CMYA5: variants seen among roughly 807,000 people sequenced by gnomAD.
CMYA5 encodes cardiomyopathy-associated protein 5.
Under a neutral mutation model 318.9 loss-of-function variants are expected in CMYA5, and 246 were observed. That is an observed-to-expected ratio of 0.77 (90% CI 0.70 to 0.86). The LOEUF (loss-of-function observed/expected upper bound fraction) is 0.86. Ranked by LOEUF, CMYA5 falls within the 40% of genes least tolerant of loss-of-function variation. CMYA5 has a pLI of 0.00. For missense variants in CMYA5, 4,589 were observed against 4,678.2 expected (o/e 0.98, Z 0.56); for synonymous variants, 1,641 against 1,729.5 (o/e 0.95, Z 1.27).
intron 7 of CMYA5, among the ~76,000 whole-genome samples, chr5:79,760,255 T>G (rs1828626013): frequency 6.6e-6 from 1 of 152,168 alleles, no homozygotes; most frequent in Non-Finnish European, 1.5e-5. Context: ...TCTCATTGTT[T>G]CTGTGCCCTG....
chr5:79,708,128 C>T (rs1381787905), intron 1 of CMYA5, among the ~76,000 whole-genome samples: 1 of 152,184 alleles, frequency 6.6e-6, no homozygotes, highest in East Asian at 1.9e-4. Flanking sequence ...ACATTCAGAC[C>T]ATAGCACATA....
Position 79,732,623 on chromosome 5 carries a change from G to T in CMYA5, c.3858G>T (p.Lys1286Asn). ...TAATAAAACCATATTCACCTCTAAAGGAAACATCTTTATCTGGACCTGAGG... is the reference window on the plus strand; with the variant it reads ...TAATAAAACCATATTCACCTCTAAATGAAACATCTTTATCTGGACCTGAGG... ...PEVIKPYSPLKETSLSGPEAL... is the reference protein window; with the variant it reads ...PEVIKPYSPLNETSLSGPEAL... Residue 1286 changes from lysine to asparagine, a missense_variant, in exon 2 of 13, where the codon AAG becomes AAT. Lys to Asn is a moderately conservative substitution (Grantham distance 94). Around this residue, in one of 3 missense-constraint regions of CMYA5, gnomAD observed 2,132 missense variants for 2,131.3 expected, o/e 1.00. Coordinates refer to ENST00000446378, the MANE Select transcript of CMYA5 (RefSeq NM_153610.5). The T allele has an allele frequency of 6.2e-7, 1 of 1,613,288 alleles. No homozygotes were observed. Among genetic ancestry groups the T allele is most frequent in the Non-Finnish European group, 8.5e-7 (1 of 1,179,658 alleles).
intron 9 of CMYA5, among the ~76,000 whole-genome samples, chr5:79,777,629 G>C (rs1219616137): frequency 6.6e-6 from 1 of 151,892 alleles, no homozygotes; most frequent in African/African-American, 2.4e-5. Flanking sequence ...ACAAAAATTA[G>C]CTGGGCGTGG....
At chr5:79,790,329 G>A (rs1281919359) in intron 10 of CMYA5, among the ~76,000 whole-genome samples, 1 of 152,040 alleles carries the variant, frequency 6.6e-6, no homozygotes. Context: ...GAGTGCAATG[G>A]CACGATCTCG....
rs1561208387 is a variant in CMYA5, at chr5:79,732,833, A to C, written c.4068A>C (p.Ala1356=). The stretch of plus-strand genomic sequence containing the variant: ...AACCCAGTTCCTCAACAACTACAGC[A>C]TCTGTAACTAAGCTTGATTCAAACT... ...EIEPSSSTTT[A]SVTKLDSNLT... Residue 1356 remains alanine (A), a synonymous_variant, in exon 2 of 13, where the codon GCA becomes GCC. Coordinates refer to ENST00000446378, the MANE Select transcript of CMYA5 (RefSeq NM_153610.5). The C allele has an allele frequency of 1.2e-6, 2 of 1,613,766 alleles. No homozygotes were observed. The highest frequency in any genetic ancestry group is 1.1e-5 in the South Asian group (1 of 91,034).
rs1827965823 is a variant in CMYA5, at chr5:79,733,376, AAAG to A, written c.4617_4619del (p.Lys1540del). On this transcript the variant is annotated inframe_deletion, in exon 2 of 13. Transcript: ENST00000446378. ...TTCCACTCAGCCTATGGGGTGAGAT[AAAG>A]AAGAAAGAAACTGAACTTCCTTCAT... 6.2e-7 allele frequency: 1 copy of A among 1,613,370 alleles called. No individual in the cohort carries two copies. The highest frequency in any genetic ancestry group is 1.3e-5 in the African/African-American group (1 of 74,886).
Position 79,739,125 on chromosome 5 carries a change from G to A in CMYA5, c.10360G>A (p.Gly3454Arg), listed in dbSNP as rs369569686. The change falls in exon 2 of 13, where the codon GGA becomes AGA. Residue 3454 changes from glycine (G) to arginine (R), a missense_variant. Physicochemically the swap from Gly to Arg is moderately radical, Grantham distance 125. Transcript: ENST00000446378. Reference protein sequence around the residue: ...ESTPEDVLSQGKESFEHISEN... With the variant: ...ESTPEDVLSQRKESFEHISEN... ...CACACCTGAAGATGTCTTATCTCAA[G>A]GAAAGGAATCCTTTGAGCACATCAG... 1 of 1,613,750 alleles carries A rather than the reference G, an allele frequency of 6.2e-7. No individual in the cohort carries two copies. Among genetic ancestry groups the A allele is most frequent in the Non-Finnish European group, 8.5e-7 (1 of 1,179,848 alleles).
intron 9 of CMYA5, 151 bp downstream of exon 9, chr5:79,763,360 A>G: frequency 3.1e-6 from 2 of 648,052 alleles, no homozygotes; most frequent in East Asian, 2.8e-5. Flanking sequence ...TTGCAGCTCT[A>G]TCACAGTTCA....
chr5:79,739,952 C>T (rs1366780322), intron 2 of CMYA5, among the ~76,000 whole-genome samples: 1 of 151,808 alleles, frequency 6.6e-6, no homozygotes, highest in Non-Finnish European at 1.5e-5. Flanking sequence ...CACTGCACTC[C>T]ACTCTAGGTG....
rs777604171 is a variant in CMYA5 at position 79,736,346 on chromosome 5, C to A, written c.7581C>A (p.Pro2527=). ...FYQNEDYNER[P]KIIVGSEKEK... is the part of the protein sequence containing the mutation. ...AAAATGAAGACTACAATGAAAGACC[C>A]AAAATCATTGTTGGTTCTGAAAAGG... Residue 2527 remains proline, a synonymous_variant, in exon 2 of 13, where the codon CCC becomes CCA. Coordinates refer to ENST00000446378, the MANE Select transcript of CMYA5 (RefSeq NM_153610.5). 1 of 1,613,378 alleles carries A rather than the reference C, an allele frequency of 6.2e-7. No individual in the cohort carries two copies. Among genetic ancestry groups the A allele is most frequent in the South Asian group, 1.1e-5 (1 of 91,040 alleles).
chr5:79,795,365 C>T (rs1189430765), intron 12 of CMYA5, among the ~76,000 whole-genome samples: 1 of 152,186 alleles, frequency 6.6e-6, no homozygotes, highest in Non-Finnish European at 1.5e-5. Flanking sequence ...ACCTACATCA[C>T]TCTTGATTCT....
intron 1 of CMYA5, among the ~76,000 whole-genome samples, chr5:79,711,266 T>C (rs1827383876): frequency 6.6e-6 from 1 of 152,210 alleles, no homozygotes; most frequent in Admixed American, 6.5e-5. Flanking sequence ...GTAGGTCGTC[T>C]GGGTGCTTTT....
intron 5 of CMYA5, among the ~76,000 whole-genome samples, chr5:79,750,010 A>ATT (rs11440578): frequency 1.1e-3 from 158 of 146,502 alleles, no homozygotes; most frequent in African/African-American, 3.5e-3. Flanking sequence ...GTTTTTGCCT[A>ATT]TTTTTTTTTT....
intron 9 of CMYA5, among the ~76,000 whole-genome samples, chr5:79,775,244 A>C (rs770227141): frequency 2.6e-5 from 4 of 152,142 alleles, no homozygotes; most frequent in Non-Finnish European, 5.9e-5. Context: ...TTTCTTCCCA[A>C]ATGACCTTAT....
intron 2 of CMYA5, among the ~76,000 whole-genome samples, chr5:79,742,985 T>C (rs1382293838): frequency 6.6e-6 from 1 of 152,022 alleles, no homozygotes; most frequent in Non-Finnish European, 1.5e-5. Context: ...AGGAATACCA[T>C]ATGAAGGCAC....
intron 1 of CMYA5, among the ~76,000 whole-genome samples, chr5:79,725,009 GT>G (rs1464536700): frequency 6.6e-6 from 1 of 152,134 alleles, no homozygotes; most frequent in African/African-American, 2.4e-5. Context: ...TCCCTCTGAA[GT>G]TTTCCCTTCT....
chr5:79,789,114 C>G lies in CMYA5; in HGVS notation c.11689+10C>G, dbSNP rs759048079. On this transcript the variant is annotated intron_variant, in intron 10 of 12. Transcript: ENST00000446378. ...CTCATCTCCACCAGAGGTACTTTCT[C>G]CTTTGCACACAGTGAGCTATTTCCA... is the stretch of plus-strand genomic sequence containing the variant. The G allele has an allele frequency of 1.2e-6, 2 of 1,613,388 alleles. No individual in the cohort carries two copies. Among genetic ancestry groups the G allele is most frequent in the Non-Finnish European group, 1.7e-6 (2 of 1,179,714 alleles).
chr5:79,754,648 G>T (rs1196551182), intron 6 of CMYA5, among the ~76,000 whole-genome samples: 1 of 147,918 alleles, frequency 6.8e-6, no homozygotes, highest in Non-Finnish European at 1.5e-5. Flanking sequence ...GGCACCTGGG[G>T]ATTTTTTTTT....
intron 1 of CMYA5, among the ~76,000 whole-genome samples, chr5:79,722,713 A>G (rs4703784): frequency 0.21 from 31,221 of 148,284 alleles, 6,045 homozygotes; most frequent in African/African-American, 0.51. Flanking sequence ...TCTGAAAAAG[A>G]TAGTATAAAT....
Sources: allele counts gnomAD v4.1 joint callset (sites outside exome capture counted in the v4.1 genomes callset), GRCh38; gene constraint gnomAD v4.1.1; regional missense constraint gnomAD v4.1.1; transcripts MANE v1.5; gene names NCBI Gene and HGNC (gene_info 2026-07-23, HGNC 2026-07-21).